Variants in NLGN1 observed in about 807,000 individuals in gnomAD.
The protein encoded by NLGN1 is neuroligin 1, also known as neuroligin-1.
In NLGN1, 12 loss-of-function variants were observed where a neutral mutation model predicts 65.5. The ratio of observed to expected loss-of-function variants is 0.18; its 90% CI spans 0.12 to 0.30. NLGN1 has a LOEUF of 0.30. Among genes scored for constraint, NLGN1 ranks in the 10% least tolerant of loss-of-function variants. The pLI is 1.00. For missense variants in NLGN1, 750 were observed against 1,007.1 expected (o/e 0.74, Z 3.46); for synonymous variants, 350 against 359.5 (o/e 0.97, Z 0.30).
intron 4 of NLGN1, among the ~76,000 whole-genome samples, chr3:174,086,671 T>G (rs73880337): frequency 0.025 from 3,771 of 151,996 alleles, 158 homozygotes; most frequent in African/African-American, 0.086. Flanking sequence ...TATGGAATTT[T>G]TTCCTCCTAT....
chr3:174,169,651 C>T (rs543199608), intron 4 of NLGN1, among the ~76,000 whole-genome samples: 14 of 152,158 alleles, frequency 9.2e-5, no homozygotes, highest in African/African-American at 3.1e-4. Flanking sequence ...GTAGAAAGGG[C>T]CTAGCTTCAC....
intron 4 of NLGN1, among the ~76,000 whole-genome samples, chr3:173,947,569 A>G (rs945763780): frequency 2.6e-5 from 4 of 152,210 alleles, no homozygotes; most frequent in African/African-American, 4.8e-5. Context: ...CGTGCTGCCA[A>G]ACATGCACAT....
upstream of NLGN1, among the ~76,000 whole-genome samples, chr3:173,397,392 C>T (rs1160795087): frequency 1.3e-5 from 2 of 152,078 alleles, no homozygotes; most frequent in African/African-American, 2.4e-5. Context: ...TCAAACGTGA[C>T]CTTTTGGGGA....
intron 1 of NLGN1, among the ~76,000 whole-genome samples, chr3:173,428,447 A>G (rs1160447903): frequency 6.6e-6 from 1 of 151,286 alleles, no homozygotes; most frequent in Non-Finnish European, 1.5e-5. Flanking sequence ...ACATATCTGT[A>G]TTTTTGATTT....
chr3:173,956,820 T>A (rs911379361), intron 4 of NLGN1, among the ~76,000 whole-genome samples: 1 of 152,216 alleles, frequency 6.6e-6, no homozygotes, highest in African/African-American at 2.4e-5. Context: ...TCATGATTCC[T>A]AAGAAAGATT....
intron 4 of NLGN1, among the ~76,000 whole-genome samples, chr3:174,150,278 C>T (rs1577103521): frequency 6.6e-6 from 1 of 152,044 alleles, no homozygotes; most frequent in African/African-American, 2.4e-5. Context: ...CCTCTCTTTT[C>T]TGTATCAAAG....
intron 4 of NLGN1, among the ~76,000 whole-genome samples, chr3:174,266,959 A>T (rs538533090): frequency 2.0e-4 from 30 of 152,296 alleles, no homozygotes; most frequent in Middle Eastern, 3.4e-3. Context: ...TTAGTTGATT[A>T]TAGCCACAGT....
chr3:174,040,500 G>A (rs1390923114), intron 4 of NLGN1, among the ~76,000 whole-genome samples: 1 of 151,836 alleles, frequency 6.6e-6, no homozygotes, highest in Non-Finnish European at 1.5e-5. Flanking sequence ...TTTGTGTAGG[G>A]CACCTCATTT....
chr3:173,570,066 T>TAGGCTTA (rs1744384905), intron 2 of NLGN1, among the ~76,000 whole-genome samples: 1 of 152,096 alleles, frequency 6.6e-6, no homozygotes, highest in African/African-American at 2.4e-5. Flanking sequence ...ATAGTTTGAG[T>TAGGCTTA]AGGCTTAACC....
chr3:173,467,898 C>T (rs1343914369), intron 2 of NLGN1, among the ~76,000 whole-genome samples: 4 of 152,110 alleles, frequency 2.6e-5, no homozygotes, highest in African/African-American at 7.2e-5. Flanking sequence ...TAGTGGTGAC[C>T]ACAGGCAATC....
At chr3:173,597,128 G>C (rs984978782) in intron 2 of NLGN1, among the ~76,000 whole-genome samples, 1 of 152,178 alleles carries the variant, frequency 6.6e-6, no homozygotes, top group African/African-American at 2.4e-5. Flanking sequence ...ACTCTCCTCA[G>C]TTCCTCAACC....
intron 4 of NLGN1, among the ~76,000 whole-genome samples, chr3:174,071,235 T>C (rs1739781447): frequency 6.6e-6 from 1 of 152,172 alleles, no homozygotes; most frequent in South Asian, 2.1e-4. Flanking sequence ...ATTTTTAAGA[T>C]GGCAGCATTT....
chr3:173,671,702 G>C (rs533787699), intron 3 of NLGN1, among the ~76,000 whole-genome samples: 1 of 152,110 alleles, frequency 6.6e-6, no homozygotes, highest in Non-Finnish European at 1.5e-5. Context: ...ACATTTGACA[G>C]GTGAGAAAAT....
chr3:173,996,235 A>C (rs1044097147), intron 4 of NLGN1, among the ~76,000 whole-genome samples: 2 of 152,200 alleles, frequency 1.3e-5, no homozygotes, highest in Non-Finnish European at 2.9e-5. Context: ...TTGTTAGTCC[A>C]CATGTTTAAA....
chr3:174,226,882 T>C (rs1037961144), intron 4 of NLGN1, among the ~76,000 whole-genome samples: 2 of 152,202 alleles, frequency 1.3e-5, no homozygotes, highest in African/African-American at 4.8e-5. Flanking sequence ...TTGATGACTT[T>C]TTCCATTTGC....
chr3:174,253,434 G>A (rs1669864814), intron 4 of NLGN1, among the ~76,000 whole-genome samples: 1 of 152,200 alleles, frequency 6.6e-6, no homozygotes, highest in Non-Finnish European at 1.5e-5. Flanking sequence ...ATCAGTCTCT[G>A]TGCCTTCCGG....
intron 4 of NLGN1, among the ~76,000 whole-genome samples, chr3:174,113,431 T>C (rs532992755): frequency 3.3e-4 from 50 of 152,144 alleles, no homozygotes; most frequent in African/African-American, 1.2e-3. Flanking sequence ...GACATAGTCT[T>C]TACTATTCAA....
intron 2 of NLGN1, among the ~76,000 whole-genome samples, chr3:173,491,315 AT>A (rs1216318194): frequency 2.0e-5 from 3 of 151,830 alleles, no homozygotes; most frequent in African/African-American, 7.3e-5. Context: ...GAGCTGTTGA[AT>A]TTTGTCAAAG....
chr3:173,432,787 T>A (rs1255787852), intron 1 of NLGN1, among the ~76,000 whole-genome samples: 1 of 152,148 alleles, frequency 6.6e-6, no homozygotes, highest in East Asian at 1.9e-4. Context: ...TAAAAGTTAA[T>A]GCCAAACCCA....
Sources: allele counts gnomAD v4.1 joint callset (sites outside exome capture counted in the v4.1 genomes callset), GRCh38; gene constraint gnomAD v4.1.1; transcripts MANE v1.5; gene names NCBI Gene and HGNC (gene_info 2026-07-23, HGNC 2026-07-21).